The following CAP2 variants were observed in gnomAD, a reference collection of about 807,000 sequenced individuals.
CAP2 encodes the protein cyclase associated actin cytoskeleton regulatory protein 2, also known as adenylyl cyclase-associated protein 2.
Under a neutral mutation model 57.7 loss-of-function variants are expected in CAP2, and 24 were observed. The observed-to-expected ratio is 0.42, with a 90% confidence interval of 0.30 to 0.58. CAP2 has a LOEUF of 0.58. Among genes scored for constraint, CAP2 ranks in the 20% least tolerant of loss-of-function variants. CAP2 has a pLI of 0.22. For missense variants in CAP2, 501 were observed against 590.3 expected, an observed-to-expected ratio of 0.85 and a Z score of 1.57; for synonymous variants, 194 against 207.2, an observed-to-expected ratio of 0.94 and a Z score of 0.55.
chr6:17,543,863 G>A (rs569295753), intron 11 of CAP2, among the ~76,000 whole-genome samples: 9 of 151,986 alleles, frequency 5.9e-5, no homozygotes, highest in South Asian at 2.1e-4. Flanking sequence ...GGTGGCTCAC[G>A]CCTGTAATCC....
intron 3 of CAP2, among the ~76,000 whole-genome samples, chr6:17,460,965 T>C (rs1341890744): frequency 6.6e-6 from 1 of 152,092 alleles, no homozygotes; most frequent in Non-Finnish European, 1.5e-5. Context: ...CTGGACAACA[T>C]AGCAAGAACT....
chr6:17,459,651 TAAAAC>T (rs1760671350), intron 3 of CAP2, among the ~76,000 whole-genome samples: 2 of 151,912 alleles, frequency 1.3e-5, no homozygotes, highest in South Asian at 2.1e-4. Flanking sequence ...GACAAGGTGA[TAAAAC>T]AAGAATGAAA....
At chr6:17,544,199 A>C (rs1166589384) in intron 11 of CAP2, among the ~76,000 whole-genome samples, 1 of 152,008 alleles carries the variant, frequency 6.6e-6, no homozygotes, top group Non-Finnish European at 1.5e-5. Flanking sequence ...CAGTACCTGC[A>C]CATAGTAGGC....
At chr6:17,460,630 T>G (rs147667499) in intron 3 of CAP2, among the ~76,000 whole-genome samples, 211 of 152,290 alleles carry the variant, frequency 1.4e-3, no homozygotes, top group Non-Finnish European at 1.6e-3. Context: ...GTCTCAACAT[T>G]TTATAATCTT....
intron 4 of CAP2, among the ~76,000 whole-genome samples, chr6:17,495,442 A>C (rs1208696403): frequency 6.6e-6 from 1 of 152,226 alleles, no homozygotes; most frequent in Non-Finnish European, 1.5e-5. Flanking sequence ...AAAATCAAAG[A>C]ATGGTCCTTC....
At chr6:17,494,985 C>T (rs192451467) in intron 4 of CAP2, among the ~76,000 whole-genome samples, 1 of 152,280 alleles carries the variant, frequency 6.6e-6, no homozygotes, top group African/African-American at 2.4e-5. Flanking sequence ...ATCGTTGGCT[C>T]TTCCTGGATC....
rs546939273 is a variant in CAP2, at chr6:17,424,401, C to CA, written c.122-2181dup. On this transcript the variant is annotated intron_variant, in intron 2 of 12. Coordinates refer to ENST00000229922, the MANE Select transcript of CAP2 (RefSeq NM_006366.3). ...GGCGACACAGAGCAAGACTCCGTCT[C>CA]AAAAAAAAGAGAAACTTTTAGAAGG... 1.4e-3 allele frequency among the ~76,000 whole-genome samples: 213 copies of CA among 151,518 alleles called. 2 individuals are homozygous for CA. The highest frequency in any genetic ancestry group is 4.5e-3 in the African/African-American group (187 of 41,292).
chr6:17,413,157 C>A (rs2113520640), intron 1 of CAP2, among the ~76,000 whole-genome samples: 1 of 152,200 alleles, frequency 6.6e-6, no homozygotes, highest in Middle Eastern at 3.4e-3. Context: ...TGATTAGAGG[C>A]CCTAGAGGAG....
At chr6:17,453,956 C>T (rs1760483008) in intron 3 of CAP2, among the ~76,000 whole-genome samples, 1 of 145,144 alleles carries the variant, frequency 6.9e-6, no homozygotes, top group South Asian at 2.2e-4. Flanking sequence ...GTGATCACGG[C>T]TCACTGCAGC....
intron 3 of CAP2, among the ~76,000 whole-genome samples, chr6:17,461,188 C>CAA (rs571318175): frequency 7.7e-5 from 11 of 142,346 alleles, no homozygotes; most frequent in Admixed American, 5.7e-4. Context: ...AACAAAACAA[C>CAA]AAAAAAAAAA....
chr6:17,411,986 G>A (rs1452807392), intron 1 of CAP2, among the ~76,000 whole-genome samples: 2 of 152,180 alleles, frequency 1.3e-5, no homozygotes, highest in African/African-American at 2.4e-5. Context: ...TTTCTATCTC[G>A]TGTTTAGCTA....
intron 3 of CAP2, among the ~76,000 whole-genome samples, chr6:17,436,258 G>A (rs1759886119): frequency 6.6e-6 from 1 of 151,880 alleles, no homozygotes; most frequent in Non-Finnish European, 1.5e-5. Flanking sequence ...CAAATAACTG[G>A]GATTATAGGT....
chr6:17,532,670 C>T lies in CAP2; in HGVS notation c.637-6599C>T, dbSNP rs567836522. ...GCTGAGGCAGGAGAAATCACTTGAA[C>T]CCAGGAGGTAGAGGTTGCAGTGAGC... is the stretch of plus-strand genomic sequence containing the variant. On this transcript the variant is annotated intron_variant, in intron 7 of 12. Coordinates refer to ENST00000229922, the MANE Select transcript of CAP2 (RefSeq NM_006366.3). 3.1e-3 allele frequency among the ~76,000 whole-genome samples: 469 copies of T among 150,142 alleles called. 5 individuals carry two copies. Among genetic ancestry groups the T allele is most frequent in the African/African-American group, 0.011 (454 of 40,880 alleles).
intron 4 of CAP2, among the ~76,000 whole-genome samples, chr6:17,494,310 A>G (rs1761613018): frequency 6.6e-6 from 1 of 152,026 alleles, no homozygotes; most frequent in Non-Finnish European, 1.5e-5. Flanking sequence ...ACACCCTGTC[A>G]TTTTCTGTCT....
At chr6:17,553,467 A>G (rs1561827541) in intron 12 of CAP2, among the ~76,000 whole-genome samples, 1 of 151,986 alleles carries the variant, frequency 6.6e-6, no homozygotes, top group Non-Finnish European at 1.5e-5. Context: ...CCCCATCTCT[A>G]CTAAAAATAC....
At chr6:17,404,084 C>T (rs1234076792) in intron 1 of CAP2, among the ~76,000 whole-genome samples, 2 of 152,212 alleles carry the variant, frequency 1.3e-5, no homozygotes, top group South Asian at 2.1e-4. Context: ...CAAAACCTTT[C>T]TAGCTCAGTA....
chr6:17,474,183 G>GTGTTTTTTTTTTTTTTTTTTTTTTTTT (rs1561796154), intron 4 of CAP2, among the ~76,000 whole-genome samples: 1 of 104,738 alleles, frequency 9.5e-6, no homozygotes, highest in African/African-American at 3.8e-5. Context: ...GAAAAAAACA[G>GTGTTTTTTTTTTTTTTTTTTTTTTTTT]TCTTTTTTTT....
intron 1 of CAP2, among the ~76,000 whole-genome samples, chr6:17,418,486 A>G (rs960265986): frequency 2.0e-5 from 3 of 152,148 alleles, no homozygotes; most frequent in African/African-American, 7.2e-5. Context: ...GTCTTTCAAC[A>G]TACGGAGCAC....
At chr6:17,455,586 A>AGT (rs1051043652) in intron 3 of CAP2, among the ~76,000 whole-genome samples, 8 of 150,420 alleles carry the variant, frequency 5.3e-5, no homozygotes, top group Admixed American at 4.6e-4. Context: ...CCCAGGCTGG[A>AGT]GTGCAGTGGT....
Sources: allele counts gnomAD v4.1 joint callset (sites outside exome capture counted in the v4.1 genomes callset), GRCh38; gene constraint gnomAD v4.1.1; transcripts MANE v1.5; gene names NCBI Gene and HGNC (gene_info 2026-07-23, HGNC 2026-07-21).